The following ZDHHC21 variants were observed in gnomAD, a reference collection of about 807,000 sequenced individuals.
ZDHHC21 encodes the protein palmitoyltransferase ZDHHC21.
In ZDHHC21, 15 loss-of-function variants were observed where a neutral mutation model predicts 34.6. That is an observed-to-expected ratio of 0.43 (90% confidence interval 0.29 to 0.67). The LOEUF (loss-of-function observed/expected upper bound fraction) is 0.67. ZDHHC21 is among the 30% of genes least tolerant of loss of function. The pLI is 0.14. For missense variants in ZDHHC21, 344 were observed against 327.7 expected, an observed-to-expected ratio of 1.05 and a Z score of -0.38; for synonymous variants, 142 against 101.8, an observed-to-expected ratio of 1.40 and a Z score of -2.38.
At chr9:14,644,172 T>C (rs117043554) in intron 7 of ZDHHC21, among the ~76,000 whole-genome samples, 2,102 of 152,270 alleles carry the variant, frequency 0.014, 23 homozygotes, top group Middle Eastern at 0.051. Context: ...TTGCTATTAA[T>C]TTCATTGTCT....
intron 7 of ZDHHC21, among the ~76,000 whole-genome samples, chr9:14,648,054 C>A (rs1050780835): frequency 1.3e-5 from 2 of 152,060 alleles, no homozygotes; most frequent in Non-Finnish European, 2.9e-5. Context: ...TTCCGTCAGG[C>A]TCCCCCTCTC....
intron 2 of ZDHHC21, among the ~76,000 whole-genome samples, chr9:14,683,987 G>A (rs999173052): frequency 2.0e-5 from 3 of 152,172 alleles, no homozygotes; most frequent in African/African-American, 7.2e-5. Context: ...AAAGGCCTTT[G>A]ACAAAATTCA....
chr9:14,681,209 T>C (rs1042915464), intron 2 of ZDHHC21, among the ~76,000 whole-genome samples: 2 of 152,122 alleles, frequency 1.3e-5, no homozygotes, highest in Non-Finnish European at 2.9e-5. Context: ...CACGTGATGA[T>C]ATTGCTATTC....
chr9:14,641,056 T>G (rs1274140423), intron 7 of ZDHHC21, among the ~76,000 whole-genome samples: 1 of 152,086 alleles, frequency 6.6e-6, no homozygotes, highest in African/African-American at 2.4e-5. Context: ...ACCACCCACA[T>G]GCTTTCTTTT....
intron 7 of ZDHHC21, 38 bp from the exon 8 acceptor site, chr9:14,640,050 T>G: frequency 9.3e-7 from 1 of 1,074,558 alleles, no homozygotes; most frequent in Non-Finnish European, 1.4e-6. Flanking sequence ...CCATTCAGAG[T>G]TGCTTACATT....
At position 14,613,742 on chromosome 9, in the gene ZDHHC21, ATT is replaced by A. The variant is rs1374679129; in HGVS notation, c.*5222_*5223del. 1.3e-5 allele frequency: 2 copies of A among 151,738 alleles called. No individual in the cohort carries two copies. Among genetic ancestry groups the A allele is most frequent in the African/African-American group, 4.8e-5 (2 of 41,402 alleles). The allele number at this position is 151,738 out of a possible 1,614,324, so 9.4% of individuals were successfully genotyped here. ...GTTAAAGTGAAAGCCACCCTTATAT[ATT>A]GTTTATTTTTCCTCTGGTGACAAAA... On this transcript the variant is annotated 3_prime_UTR_variant, in exon 10 of 10. Coordinates refer to ENST00000380916, the MANE Select transcript of ZDHHC21 (RefSeq NM_178566.6).
intron 5 of ZDHHC21, among the ~76,000 whole-genome samples, chr9:14,668,587 C>G (rs1036638158): frequency 5.3e-5 from 8 of 151,718 alleles, no homozygotes; most frequent in Admixed American, 2.6e-4. Flanking sequence ...AATCACACGA[C>G]CTGACTTCAA....
At chr9:14,687,376 A>G (rs941479643) in intron 2 of ZDHHC21, among the ~76,000 whole-genome samples, 1 of 150,772 alleles carries the variant, frequency 6.6e-6, no homozygotes, top group South Asian at 2.1e-4. Context: ...ATGTGGTAAT[A>G]AAAGTAATGC....
At chr9:14,599,447 A>G in the ZDHHC21 span, among the ~76,000 whole-genome samples, 31 of 152,060 alleles carry the variant, frequency 2.0e-4, no homozygotes, top group Non-Finnish European at 3.2e-4. Context: ...GGTCTTCACA[A>G]CCTGCAGACC....
In ZDHHC21 at chr9:14,615,148, T is replaced by C. The variant is rs548095183; in HGVS notation, c.*3818A>G. ...TAACACACAGAAAATTGTGTAGCTA[T>C]AATCTAAATCAGTTCACACTTCCTG... On this transcript the variant is annotated 3_prime_UTR_variant, in exon 10 of 10. Transcript: ENST00000380916. The C allele has an allele frequency of 1.6e-4, 24 of 151,880 alleles. No individual in the cohort carries two copies. Among genetic ancestry groups the C allele is most frequent in the Admixed American group, 4.6e-4 (7 of 15,230 alleles). 9.4% of individuals were successfully genotyped at this position (151,880 alleles called of 1,614,324 possible).
chr9:14,591,352 G>A, the ZDHHC21 span, among the ~76,000 whole-genome samples: 1 of 152,032 alleles, frequency 6.6e-6, no homozygotes, highest in Non-Finnish European at 1.5e-5. Context: ...AGGATTGAGG[G>A]AGTAAATTTG....
rs113159051 is a variant in ZDHHC21, at chr9:14,619,186, T to C, written c.666-88A>G. ...ACAATACAGATTGGCTGGGGATCCA[T>C]TACTGGACTCTGATGAATTGTGTCC... On this transcript the variant is annotated intron_variant, in intron 9 of 9. Transcript: ENST00000380916. 20 of 1,367,900 alleles carry C rather than the reference T, an allele frequency of 1.5e-5. No homozygotes were observed. In the African/African-American group the frequency reaches 1.5e-4, roughly 10 times the overall value. The allele number at this position is 1,367,900 out of a possible 1,614,324, so 84.7% of individuals were successfully genotyped here.
chr9:14,652,115 TG>T (rs1831337351), intron 7 of ZDHHC21, among the ~76,000 whole-genome samples: 1 of 152,000 alleles, frequency 6.6e-6, no homozygotes, highest in Admixed American at 6.6e-5. Context: ...ATTGATTTAG[TG>T]ATTCTAACAA....
At chr9:14,601,473 A>C in the ZDHHC21 span, among the ~76,000 whole-genome samples, 2 of 152,176 alleles carry the variant, frequency 1.3e-5, no homozygotes, top group African/African-American at 4.8e-5. Context: ...TTAGAATGAC[A>C]ACCATTAAAA....
In ZDHHC21 at chr9:14,672,810, A is replaced by G; in HGVS notation, c.253+20T>C. The G allele has an allele frequency of 6.5e-7, 1 of 1,549,438 alleles. No homozygotes were observed. The highest frequency in any genetic ancestry group is 8.8e-7 in the Non-Finnish European group (1 of 1,132,356). On this transcript the variant is annotated intron_variant, in intron 5 of 9. Transcript: ENST00000380916. ...AGTAATTCTGGCATCAGCAAAACTG[A>G]TAAATCCAGAGTACCATACCTCCAT...
chr9:14,596,964 G>C, the ZDHHC21 span, among the ~76,000 whole-genome samples: 1 of 152,092 alleles, frequency 6.6e-6, no homozygotes, highest in South Asian at 2.1e-4. Context: ...TAGGCTCAAA[G>C]CCAGGAGAAA....
intron 8 of ZDHHC21, among the ~76,000 whole-genome samples, chr9:14,624,581 G>GA (rs1564205906): frequency 6.6e-6 from 1 of 152,060 alleles, no homozygotes; most frequent in Non-Finnish European, 1.5e-5. Flanking sequence ...CTCATATGCA[G>GA]AATCTTAAAA....
At chr9:14,671,826 T>A (rs1835501845) in intron 5 of ZDHHC21, among the ~76,000 whole-genome samples, 1 of 152,098 alleles carries the variant, frequency 6.6e-6, no homozygotes, top group Non-Finnish European at 1.5e-5. Context: ...CAATAAACCA[T>A]TTTTAAACAT....
chr9:14,638,545 T>C (rs1251527001), intron 8 of ZDHHC21, among the ~76,000 whole-genome samples: 1 of 151,906 alleles, frequency 6.6e-6, no homozygotes, highest in African/African-American at 2.4e-5. Flanking sequence ...AATGGGACTC[T>C]ATTAAATTAA....
Sources: gnomAD v4.1 joint callset for allele counts (sites outside exome capture counted in the v4.1 genomes callset) on GRCh38, gnomAD v4.1.1 for gene constraint, MANE v1.5 for transcripts, NCBI Gene and HGNC (gene_info 2026-07-23, HGNC 2026-07-21) for gene names.